The following DNM1L variants were observed in gnomAD, a reference collection of about 807,000 sequenced individuals.
DNM1L encodes dynamin 1L.
A neutral mutation model predicts 92.8 loss-of-function variants in DNM1L; 33 were observed. That is an observed-to-expected ratio of 0.36 (90% CI 0.27 to 0.48). The LOEUF (loss-of-function observed/expected upper bound fraction) is 0.48. Among genes scored for constraint, DNM1L ranks in the 20% least tolerant of loss-of-function variants. The pLI is 0.99. For missense variants in DNM1L, 485 were observed against 888.8 expected (o/e 0.55, Z 5.78); for synonymous variants, 284 against 305.0 (o/e 0.93, Z 0.72).
intron 18 of DNM1L, among the ~76,000 whole-genome samples, chr12:32,742,186 T>A (rs964340003): frequency 3.9e-5 from 6 of 151,914 alleles, no homozygotes; most frequent in Non-Finnish European, 8.8e-5. Context: ...CTCACTGCAA[T>A]CTCCACCTCC....
At chr12:32,725,123 C>T (rs1954048719) in intron 9 of DNM1L, 1 of 151,512 alleles carries the variant, frequency 6.6e-6, no homozygotes, top group African/African-American at 2.4e-5. Context: ...AGTATAGTAT[C>T]TCTTTCCAAA....
intron 5 of DNM1L, chr12:32,711,338 T>A (rs1953115827): frequency 3.4e-6 from 1 of 295,350 alleles, no homozygotes. Flanking sequence ...CCTTTGATGA[T>A]TTCATCAGAT....
intron 14 of DNM1L, chr12:32,737,635 A>G (rs1712895916): frequency 3.9e-6 from 2 of 509,134 alleles, no homozygotes; most frequent in Non-Finnish European, 3.5e-6. Context: ...AAAAATAAAA[A>G]TGAAGCTTTT....
intron 1 of DNM1L, among the ~76,000 whole-genome samples, chr12:32,686,946 T>C (rs965215040): frequency 7.0e-6 from 1 of 143,632 alleles, no homozygotes; most frequent in Non-Finnish European, 1.5e-5. Context: ...TCTTTTTTTT[T>C]TTTTTTTTTT....
At chr12:32,740,873 A>G (rs961994255) in intron 18 of DNM1L, among the ~76,000 whole-genome samples, 1 of 152,230 alleles carries the variant, frequency 6.6e-6, no homozygotes, top group Non-Finnish European at 1.5e-5. Context: ...TTGGTTTTCC[A>G]AAGTATCAAA....
chr12:32,715,801 A>T (rs1953337849), intron 6 of DNM1L, among the ~76,000 whole-genome samples: 1 of 152,116 alleles, frequency 6.6e-6, no homozygotes, highest in African/African-American at 2.4e-5. Context: ...AGCAGTTGGA[A>T]CTCTCACACG....
intron 13 of DNM1L, among the ~76,000 whole-genome samples, chr12:32,734,330 A>AT (rs367559305): frequency 3.3e-5 from 5 of 151,962 alleles, no homozygotes; most frequent in East Asian, 1.9e-4. Context: ...TCCAGAAGCC[A>AT]TTTTTTTTCT....
At chr12:32,698,543 C>G (rs1248778315) in intron 1 of DNM1L, among the ~76,000 whole-genome samples, 1 of 152,182 alleles carries the variant, frequency 6.6e-6, no homozygotes, top group East Asian at 1.9e-4. Flanking sequence ...AATAAACCCT[C>G]TTTAAATTAA....
rs1019067188 is a variant in DNM1L at position 32,745,360 on chromosome 12, G to A, written c.*1950G>A. 2 of 226,084 alleles carry A rather than the reference G, an allele frequency of 8.8e-6. No individual in the cohort carries two copies. The highest frequency in any genetic ancestry group is 4.7e-5 in the African/African-American group (2 of 42,234). 14.0% of individuals were successfully genotyped at this position (226,084 alleles called of 1,614,324 possible). ...ATTTCAAATTGAAAATTAAAGACAT[G>A]CTATGGTAATGCACTTGCTAGTACT... On this transcript the variant is annotated 3_prime_UTR_variant, in exon 20 of 20. Coordinates refer to ENST00000549701, the MANE Select transcript of DNM1L (RefSeq NM_012062.5).
At chr12:32,743,116 C>T (rs1189701214) in intron 19 of DNM1L, among the ~76,000 whole-genome samples, 3 of 141,320 alleles carry the variant, frequency 2.1e-5, no homozygotes, top group Admixed American at 2.1e-4. Context: ...AGGATAGTCT[C>T]TAACTCCTGA....
intron 13 of DNM1L, among the ~76,000 whole-genome samples, chr12:32,734,464 A>G (rs1017411829): frequency 2.5e-4 from 38 of 152,192 alleles, no homozygotes; most frequent in African/African-American, 7.0e-4. Flanking sequence ...TAAACATGCA[A>G]TTCAGAAGCT....
chr12:32,741,848 C>A (rs532138538), intron 18 of DNM1L, among the ~76,000 whole-genome samples: 17 of 152,218 alleles, frequency 1.1e-4, no homozygotes, highest in African/African-American at 4.1e-4. Flanking sequence ...TAGGCTATAC[C>A]ATCTACGTTT....
In DNM1L at chr12:32,707,367, G is replaced by C. The variant is rs1372482384; in HGVS notation, c.251G>C (p.Gly84Ala). 1.2e-6 allele frequency: 2 copies of C among 1,604,584 alleles called. No homozygotes were observed. Among genetic ancestry groups the C allele is most frequent in the Non-Finnish European group, 1.7e-6 (2 of 1,175,856 alleles). Residue 84 changes from glycine (G) to alanine (A), a missense_variant and splice_region_variant, in exon 3 of 20, where the codon GGG becomes GCG. Coordinates refer to ENST00000549701, the MANE Select transcript of DNM1L (RefSeq NM_012062.5). ...ATAAATGAGTTTTTCTTTTTTCCAG[G>C]GGTGGAAGCAGAAGAATGGGGTAAA... ...DKRKTTGEEN[G>A]VEAEEWGKFL...
At chr12:32,698,396 C>G (rs1320274482) in intron 1 of DNM1L, among the ~76,000 whole-genome samples, 1 of 152,186 alleles carries the variant, frequency 6.6e-6, no homozygotes, top group African/African-American at 2.4e-5. Context: ...GGCTGTGTCA[C>G]TCTTAGTCCT....
intron 9 of DNM1L, chr12:32,726,563 T>G (rs1167728058): frequency 8.2e-7 from 1 of 1,214,576 alleles, no homozygotes; most frequent in African/African-American, 1.5e-5. Context: ...TATGCTCACG[T>G]AAAAAGTGAC....
intron 13 of DNM1L, 114 bp downstream of exon 13, chr12:32,733,921 C>A: frequency 1.1e-6 from 1 of 896,508 alleles, no homozygotes; most frequent in Non-Finnish European, 1.8e-6. Context: ...CACATTAGTG[C>A]CTGCTGCATG....
At chr12:32,680,596 G>T (rs767524576) in intron 1 of DNM1L, among the ~76,000 whole-genome samples, 1 of 152,164 alleles carries the variant, frequency 6.6e-6, no homozygotes, top group Non-Finnish European at 1.5e-5. Flanking sequence ...CTTGGTCTGC[G>T]ATAGGATTGG....
intron 15 of DNM1L, 146 bp downstream of exon 15, chr12:32,738,088 TTA>T (rs1955025938): frequency 1.9e-6 from 2 of 1,071,638 alleles, no homozygotes; most frequent in Non-Finnish European, 2.7e-6. Flanking sequence ...TATTTTAAAA[TTA>T]TATAACAATG....
At chr12:32,692,496 A>G (rs1952272563) in intron 1 of DNM1L, 1 of 152,706 alleles carries the variant, frequency 6.5e-6, no homozygotes, top group African/African-American at 2.4e-5. Context: ...AAAGCAGTTC[A>G]TATCATTTTA....
Sources: allele counts gnomAD v4.1 joint callset (sites outside exome capture counted in the v4.1 genomes callset), GRCh38; gene constraint gnomAD v4.1.1; transcripts MANE v1.5; gene names NCBI Gene and HGNC (gene_info 2026-07-23, HGNC 2026-07-21).